The following CIT variants were observed in gnomAD, a reference collection of about 807,000 sequenced individuals.
CIT encodes the protein citron rho-interacting serine/threonine kinase.
A neutral mutation model predicts 272.7 loss-of-function variants in CIT; 79 were observed. That is an observed-to-expected ratio of 0.29 (90% confidence interval 0.24 to 0.35). CIT has a LOEUF of 0.35. CIT is among the 10% of genes least tolerant of loss of function. The pLI is 1.00. For missense variants in CIT, 1,909 were observed against 2,618.3 expected, an observed-to-expected ratio of 0.73 and a Z score of 5.91; for synonymous variants, 948 against 995.6, an observed-to-expected ratio of 0.95 and a Z score of 0.90.
intron 40 of CIT, among the ~76,000 whole-genome samples, chr12:119,705,059 C>T (rs372404863): frequency 7.2e-5 from 11 of 152,228 alleles, no homozygotes; most frequent in East Asian, 5.8e-4. Context: ...ACCACAGGTG[C>T]GCACCACCAT....
chr12:119,698,227 C>T (rs1165384255), intron 44 of CIT, 173 bp from the exon 45 acceptor site: 9 of 647,894 alleles, frequency 1.4e-5, no homozygotes, highest in African/African-American at 5.4e-5. Context: ...TATTCACTGC[C>T]GTGTGGTTTG....
intron 2 of CIT, among the ~76,000 whole-genome samples, chr12:119,874,955 G>T (rs1950798860): frequency 1.3e-5 from 2 of 151,256 alleles, no homozygotes; most frequent in Admixed American, 6.6e-5. Flanking sequence ...TATACCCACA[G>T]AAATTGTAGT....
At chr12:119,752,460 A>G (rs540403723) in intron 22 of CIT, among the ~76,000 whole-genome samples, 93 of 152,326 alleles carry the variant, frequency 6.1e-4, no homozygotes, top group African/African-American at 2.2e-3. Context: ...GGTAAGGGCT[A>G]TATCTCCTAA....
At chr12:119,797,630 T>C (rs1039575311) in intron 10 of CIT, among the ~76,000 whole-genome samples, 1 of 152,224 alleles carries the variant, frequency 6.6e-6, no homozygotes, top group African/African-American at 2.4e-5. Flanking sequence ...ATTGCTGCTA[T>C]TTAAAAAATC....
intron 39 of CIT, among the ~76,000 whole-genome samples, chr12:119,708,588 C>T (rs1040322586): frequency 6.6e-6 from 1 of 152,012 alleles, no homozygotes; most frequent in African/African-American, 2.4e-5. Flanking sequence ...TGGGTTCAAG[C>T]AATTCTCCTG....
chr12:119,712,180 C>A lies in CIT; in HGVS notation c.4852G>T (p.Ala1618Ser). The A allele has an allele frequency of 6.3e-7, 1 of 1,594,152 alleles. No individual in the cohort carries two copies. The highest frequency in any genetic ancestry group is 8.6e-7 in the Non-Finnish European group (1 of 1,169,126). The change falls in exon 37 of 48, where the codon GCT (alanine) becomes TCT (serine). Residue 1618 changes from alanine (A) to serine (S), a missense_variant and splice_region_variant. Coordinates refer to ENST00000392521, the MANE Select transcript of CIT (RefSeq NM_001206999.2). This position sits in a 1 kb window ranked among gnomAD's most constrained non-coding sequence, Gnocchi z 5.2. ...CCAGGGCCCGCTTTCATACTCACAG[C>A]ATCAGCTTCTGCTTTTTCCCTAGAA... ...RVSREKAEADAKLLGNSLLKL... is the reference protein window; with the variant it reads ...RVSREKAEADSKLLGNSLLKL...
chr12:119,745,671 G>A (rs997676514), intron 23 of CIT, among the ~76,000 whole-genome samples: 13 of 152,152 alleles, frequency 8.5e-5, no homozygotes, highest in East Asian at 5.8e-4. Flanking sequence ...GAATTATAAC[G>A]TTCCCAACAC....
Position 119,803,281 on chromosome 12 carries a change from G to A in CIT, c.1220C>T (p.Ser407Leu). ...CGGCAGTTCTTCACCCGAGAAGCCT[G>A]AGGGGCTCAGCTGGCACGGAGAGGA... ...VSSSPCQLSP[S>L]GFSGEELPFV... The change falls in exon 10 of 48, where the codon TCA (serine) becomes TTA (leucine). Residue 407 changes from serine (S) to leucine (L), a missense_variant. Around this residue, in one of 8 missense-constraint regions of CIT, gnomAD observed 529 missense variants for 549.6 expected, o/e 0.96. Coordinates refer to ENST00000392521, the MANE Select transcript of CIT (RefSeq NM_001206999.2). 2 of 1,610,460 alleles carry A rather than the reference G, an allele frequency of 1.2e-6. No individual in the cohort carries two copies. The highest frequency in any genetic ancestry group is 1.7e-6 in the Non-Finnish European group (2 of 1,178,480).
chr12:119,828,679 C>G (rs1403145394), intron 7 of CIT, among the ~76,000 whole-genome samples: 2 of 152,070 alleles, frequency 1.3e-5, no homozygotes, highest in Non-Finnish European at 2.9e-5. Flanking sequence ...TCTCCTGCCT[C>G]AGCCTCCCGA....
Position 119,713,733 on chromosome 12 carries a change from C to T in CIT, c.4307-85G>A, listed in dbSNP as rs920627995. 1.4e-6 allele frequency: 2 copies of T among 1,437,784 alleles called. No homozygotes were observed. The highest frequency in any genetic ancestry group is 1.7e-5 in the Admixed American group (1 of 59,120). 89.1% of individuals were successfully genotyped at this position (1,437,784 alleles called of 1,614,324 possible). On this transcript the variant is annotated intron_variant, in intron 33 of 47. Transcript: ENST00000392521. The surrounding 1 kb of genome is among the most constrained non-coding windows in gnomAD (Gnocchi z 5.2). The stretch of plus-strand genomic sequence containing the variant: ...CCTCTGCCAGCCAACGCCTGGGCTT[C>T]TCTACCCCAGCCGGGCCCAGAGAGT...
chr12:119,790,094 T>C (rs1965183982), intron 10 of CIT, among the ~76,000 whole-genome samples: 1 of 152,180 alleles, frequency 6.6e-6, no homozygotes, highest in Non-Finnish European at 1.5e-5. Context: ...AATTGCATTA[T>C]GCTAACATTG....
intron 5 of CIT, among the ~76,000 whole-genome samples, chr12:119,842,898 A>G (rs1969504337): frequency 6.6e-6 from 1 of 152,220 alleles, no homozygotes; most frequent in Non-Finnish European, 1.5e-5. Flanking sequence ...CATCCAATAA[A>G]TATTGCTTAA....
intron 2 of CIT, among the ~76,000 whole-genome samples, chr12:119,874,904 TC>T (rs920432068): frequency 6.8e-6 from 1 of 147,040 alleles, no homozygotes; most frequent in Non-Finnish European, 1.5e-5. Context: ...AAAAAAAAAA[TC>T]TTAAAAAATA....
intron 2 of CIT, among the ~76,000 whole-genome samples, chr12:119,873,397 C>T (rs1293148414): frequency 6.6e-6 from 1 of 151,900 alleles, no homozygotes; most frequent in Non-Finnish European, 1.5e-5. Context: ...CCTGCCTCAG[C>T]CTCCCGAGTA....
At chr12:119,788,750 G>A (rs548800916) in intron 10 of CIT, among the ~76,000 whole-genome samples, 20 of 152,264 alleles carry the variant, frequency 1.3e-4, no homozygotes, top group African/African-American at 4.8e-4. Flanking sequence ...GCCGGCACTC[G>A]AAAGAGACCA....
intron 40 of CIT, among the ~76,000 whole-genome samples, chr12:119,707,845 G>A (rs1036452171): frequency 1.1e-4 from 16 of 152,210 alleles, no homozygotes; most frequent in African/African-American, 2.4e-4. Context: ...AAGGACATCC[G>A]CCCAGTGACT....
rs553305582 is a variant in CIT at position 119,752,207 on chromosome 12, C to T, written c.2747G>A (p.Arg916His). 1.2e-6 allele frequency: 2 copies of T among 1,610,260 alleles called. No individual in the cohort carries two copies. The highest frequency in any genetic ancestry group is 2.2e-5 in the East Asian group (1 of 44,876). ...GGAGAGCTGTAGCTCTGTGAGCTGG[C>T]GCTTGAGCTCCAGTTTCTGCTCCTC... Reference protein sequence around the residue: ...EHEEQKLELKRQLTELQLSLQ... With the variant: ...EHEEQKLELKHQLTELQLSLQ... The change falls in exon 23 of 48, where the codon CGC (arginine) becomes CAC (histidine). Residue 916 changes from arginine to histidine, a missense_variant. Arg to His is a conservative substitution (Grantham distance 29). Around this residue, in one of 8 missense-constraint regions of CIT, gnomAD observed 530 missense variants for 822.4 expected, o/e 0.64. Transcript: ENST00000392521.
At chr12:119,801,903 G>A (rs1157881350) in intron 10 of CIT, among the ~76,000 whole-genome samples, 5 of 152,108 alleles carry the variant, frequency 3.3e-5, no homozygotes, top group Non-Finnish European at 7.4e-5. Flanking sequence ...CCCAGAGAGG[G>A]GATCAAGAAA....
In CIT at chr12:119,751,692, ATTATT is replaced by A. The variant is rs148554321; in HGVS notation, c.2904+353_2904+357del. Among the ~76,000 whole-genome samples, 1,496 of 152,214 alleles carry A rather than the reference ATTATT, an allele frequency of 9.8e-3. 22 individuals carry two copies. The highest frequency in any genetic ancestry group is 0.034 in the African/African-American group (1,421 of 41,540). Reference sequence around the variant, plus strand: ...GAAAAACTACTATAAGATTATTATTATTATTTTAAATGATTATTGAAAACTAAAGT... The same window carrying A: ...GAAAAACTACTATAAGATTATTATTATTAAATGATTATTGAAAACTAAAGT... On this transcript the variant is annotated intron_variant, in intron 23 of 47. Coordinates refer to ENST00000392521, the MANE Select transcript of CIT (RefSeq NM_001206999.2).
Sources: gnomAD v4.1 joint callset for allele counts (sites outside exome capture counted in the v4.1 genomes callset) on GRCh38, gnomAD v4.1.1 for gene constraint, gnomAD v4.1.1 regional missense constraint, Gnocchi (gnomAD v3.1) non-coding constraint, MANE v1.5 for transcripts, NCBI Gene and HGNC (gene_info 2026-07-23, HGNC 2026-07-21) for gene names.